The following TMEM132D variants were observed in gnomAD, a reference collection of about 807,000 sequenced individuals.
TMEM132D encodes the protein mature OL transmembrane protein.
In TMEM132D, 21 loss-of-function variants were observed where a neutral mutation model predicts 62.3. The ratio of observed to expected loss-of-function variants is 0.34; its 90% CI spans 0.24 to 0.49. The LOEUF (loss-of-function observed/expected upper bound fraction) is 0.49. Among genes scored for constraint, TMEM132D ranks in the 20% least tolerant of loss-of-function variants. TMEM132D has a pLI of 0.99. For synonymous variants in TMEM132D, 621 were observed against 575.6 expected, an observed-to-expected ratio of 1.08 and a Z score of -1.13; for missense variants, 1,346 against 1,402.8, an observed-to-expected ratio of 0.96 and a Z score of 0.65.
chr12:129,643,177 G>A (rs549960963), intron 2 of TMEM132D, among the ~76,000 whole-genome samples: 1 of 152,046 alleles, frequency 6.6e-6, no homozygotes, highest in Admixed American at 6.6e-5. Flanking sequence ...CCCACCTCAA[G>A]CTCCCAAAGT....
At chr12:129,376,250 T>A (rs1048044340) in intron 3 of TMEM132D, among the ~76,000 whole-genome samples, 2 of 152,118 alleles carry the variant, frequency 1.3e-5, no homozygotes, top group African/African-American at 4.8e-5. Flanking sequence ...GGGTGATGCA[T>A]AAAGGAAAGA....
At chr12:129,538,095 C>T (rs745936850) in intron 2 of TMEM132D, among the ~76,000 whole-genome samples, 5 of 152,222 alleles carry the variant, frequency 3.3e-5, no homozygotes, top group Non-Finnish European at 5.9e-5. Flanking sequence ...TCCTCTGTCA[C>T]TTCTGAGATT....
chr12:129,740,340 T>C (rs1869562473), intron 1 of TMEM132D, among the ~76,000 whole-genome samples: 1 of 152,212 alleles, frequency 6.6e-6, no homozygotes, highest in African/African-American at 2.4e-5. Context: ...CTGTCTAAAA[T>C]TCATTCAACA....
rs187337987 is a variant in TMEM132D, at chr12:129,609,908, G to A, written c.969-78703C>T. 3.3e-5 allele frequency among the ~76,000 whole-genome samples: 5 copies of A among 152,298 alleles called. No individual in the cohort carries two copies. The East Asian group carries it at 9.6e-4, about 29-fold the overall frequency. ...ATCCCTCAAGCCTTGTCCTAGAAAG[G>A]GGCGTGGTCTACATACAGCTCATGA... On this transcript the variant is annotated intron_variant, in intron 2 of 8. Coordinates refer to ENST00000422113, the MANE Select transcript of TMEM132D (RefSeq NM_133448.3).
At position 129,625,920 on chromosome 12, in the gene TMEM132D, AAAC is replaced by A. The variant is rs1879199848; in HGVS notation, c.968+73887_968+73889del. On this transcript the variant is annotated intron_variant, in intron 2 of 8. Transcript: ENST00000422113. ...TAGATACACAATTCAGTCCAACTTT[AAAC>A]AACGTCACGTGTATGACTCTTCTTC... 2.0e-5 allele frequency among the ~76,000 whole-genome samples: 3 copies of A among 152,304 alleles called. 1 individual carries two copies. The South Asian group carries it at 6.2e-4, about 32-fold the overall frequency.
chr12:129,297,702 T>C (rs918210477), intron 4 of TMEM132D, among the ~76,000 whole-genome samples: 1 of 152,298 alleles, frequency 6.6e-6, no homozygotes, highest in Non-Finnish European at 1.5e-5. Context: ...CCTGTGAGCA[T>C]CCTGCATCAG....
At chr12:129,714,252 C>T (rs1868483203) in intron 1 of TMEM132D, among the ~76,000 whole-genome samples, 1 of 152,266 alleles carries the variant, frequency 6.6e-6, no homozygotes, top group Non-Finnish European at 1.5e-5. Flanking sequence ...TCCATGACCA[C>T]TGAAGTAACC....
chr12:129,111,901 C>T (rs905564061), intron 5 of TMEM132D, among the ~76,000 whole-genome samples: 3 of 152,134 alleles, frequency 2.0e-5, no homozygotes, highest in African/African-American at 7.2e-5. Context: ...AGTAAGGGTA[C>T]CATCCCTGGT....
At chr12:129,696,884 T>G (rs950684219) in intron 2 of TMEM132D, among the ~76,000 whole-genome samples, 1 of 152,224 alleles carries the variant, frequency 6.6e-6, no homozygotes, top group African/African-American at 2.4e-5. Flanking sequence ...TTTCTTTTCC[T>G]GCAGATGTCA....
chr12:129,274,589 A>AT (rs1880952332), intron 4 of TMEM132D, among the ~76,000 whole-genome samples: 1 of 152,114 alleles, frequency 6.6e-6, no homozygotes, highest in Non-Finnish European at 1.5e-5. Flanking sequence ...CAATATATTT[A>AT]TTTTAACAAT....
chr12:129,499,912 C>G (rs956770994), intron 3 of TMEM132D, among the ~76,000 whole-genome samples: 1 of 151,630 alleles, frequency 6.6e-6, no homozygotes, highest in African/African-American at 2.4e-5. Context: ...ATCTGTCCCC[C>G]ACTTCAGTCG....
Position 129,827,361 on chromosome 12 carries a change from C to G in TMEM132D, c.79+75900G>C, listed in dbSNP as rs750153235. On this transcript the variant is annotated intron_variant, in intron 1 of 8. Transcript: ENST00000422113. The surrounding 1 kb of genome is among the most constrained non-coding windows in gnomAD (Gnocchi z 9.7). ...TAAGCCCCAAATTCATGGTCACACC[C>G]CCAGGCAGAACTCTGGAGCACTGGC... is the stretch of plus-strand genomic sequence containing the variant. Among the ~76,000 whole-genome samples the G allele has an allele frequency of 2.0e-5, 3 of 152,104 alleles. No homozygotes were observed. The highest frequency in any genetic ancestry group is 4.4e-5 in the Non-Finnish European group (3 of 68,018).
chr12:129,166,722 CACACACATATATATATAT>C (rs1877567831), intron 5 of TMEM132D, among the ~76,000 whole-genome samples: 1 of 144,908 alleles, frequency 6.9e-6, no homozygotes, highest in African/African-American at 2.5e-5. Context: ...CATATACACA[CACACACATATATATATAT>C]ACACATATAC....
At chr12:129,589,638 C>T (rs1878135745) in intron 2 of TMEM132D, among the ~76,000 whole-genome samples, 1 of 152,170 alleles carries the variant, frequency 6.6e-6, no homozygotes, top group African/African-American at 2.4e-5. Flanking sequence ...TATACATTCT[C>T]CAGGACAACT....
At chr12:129,806,836 G>A (rs1187748543) in intron 1 of TMEM132D, among the ~76,000 whole-genome samples, 1 of 151,914 alleles carries the variant, frequency 6.6e-6, no homozygotes, top group Non-Finnish European at 1.5e-5. Context: ...GACCAGCCTG[G>A]GCAATATAGT....
chr12:129,295,252 T>G (rs549164832), intron 4 of TMEM132D, among the ~76,000 whole-genome samples: 1 of 150,844 alleles, frequency 6.6e-6, no homozygotes, highest in African/African-American at 2.5e-5. Context: ...GGAACACTGC[T>G]GGCTAGACGC....
At position 129,776,952 on chromosome 12, in the gene TMEM132D, A is replaced by G. The variant is rs529649753; in HGVS notation, c.80-76254T>C. On this transcript the variant is annotated intron_variant, in intron 1 of 8. Coordinates refer to ENST00000422113, the MANE Select transcript of TMEM132D (RefSeq NM_133448.3). ...GTATCTTTGAATAGCGTCATTTCCA[A>G]CAACAGAGCAAGGCTCTGAGATGTG... Among the ~76,000 whole-genome samples, 57 of 152,324 alleles carry G rather than the reference A, an allele frequency of 3.7e-4. 2 individuals carry two copies. The South Asian group carries it at 0.011, about 30-fold the overall frequency.
chr12:129,623,302 C>T (rs555934542), intron 2 of TMEM132D, among the ~76,000 whole-genome samples: 113 of 152,160 alleles, frequency 7.4e-4, no homozygotes, highest in Middle Eastern at 3.4e-3. Flanking sequence ...ATTTCAATAG[C>T]TTTAGGGGTA....
At chr12:129,714,738 G>A (rs1042306225) in intron 1 of TMEM132D, among the ~76,000 whole-genome samples, 22 of 152,120 alleles carry the variant, frequency 1.4e-4, no homozygotes, top group African/African-American at 4.6e-4. Flanking sequence ...CAATAAATCC[G>A]GGAAAGAAAT....
Sources: gnomAD v4.1 joint callset for allele counts (sites outside exome capture counted in the v4.1 genomes callset) on GRCh38, gnomAD v4.1.1 for gene constraint, Gnocchi (gnomAD v3.1) non-coding constraint, MANE v1.5 for transcripts, NCBI Gene and HGNC (gene_info 2026-07-23, HGNC 2026-07-21) for gene names.